NUP43: variants seen among roughly 807,000 people sequenced by gnomAD.
The protein encoded by NUP43 is nucleoporin Nup43.
In NUP43, 32 loss-of-function variants were observed where a neutral mutation model predicts 47.3. That is an observed-to-expected ratio of 0.68 (90% CI 0.51 to 0.91). The LOEUF is 0.91. Among genes scored for constraint, NUP43 ranks in the 40% least tolerant of loss-of-function variants. The pLI is 0.00. For synonymous variants in NUP43, 147 were observed against 158.4 expected (o/e 0.93, Z 0.54); for missense variants, 444 against 453.9 (o/e 0.98, Z 0.20).
In NUP43 at chr6:149,736,522, C is replaced by T; in HGVS notation, c.739G>A (p.Val247Ile). 1.2e-6 allele frequency: 2 copies of T among 1,611,222 alleles called. No individual in the cohort carries two copies. Among genetic ancestry groups the T allele is most frequent in the Non-Finnish European group, 1.7e-6 (2 of 1,177,594 alleles). The change falls in exon 6 of 8, where the codon GTT (valine) becomes ATT (isoleucine). Residue 247 changes from valine (V) to isoleucine (I), a missense_variant. By Grantham distance (29) the Val-to-Ile change is conservative (BLOSUM62 3). Coordinates refer to ENST00000340413, the MANE Select transcript of NUP43 (RefSeq NM_198887.3). ...GQDGMLSIWD[V>I]RQGTMPVSLL... ...GATACAGGCATAGTACCTTGTCTAA[C>T]ATCCCAAATACTCAACATTCCATCT...
chr6:149,739,373 G>A (rs572370987), intron 4 of NUP43, among the ~76,000 whole-genome samples: 13 of 152,024 alleles, frequency 8.6e-5, no homozygotes, highest in African/African-American at 1.2e-4. Context: ...TACAACCTCC[G>A]CCTCCCAGGT....
chr6:149,740,714 T>C (rs180805929), intron 4 of NUP43, among the ~76,000 whole-genome samples: 1 of 152,144 alleles, frequency 6.6e-6, no homozygotes, highest in Non-Finnish European at 1.5e-5. Context: ...TCTAGAGTGG[T>C]CGACAGTTAA....
chr6:149,743,681 G>A lies in NUP43; in HGVS notation c.278C>T (p.Ser93Leu). The A allele has an allele frequency of 6.2e-7, 1 of 1,611,342 alleles. No homozygotes were observed. Among genetic ancestry groups the A allele is most frequent in the Non-Finnish European group, 8.5e-7 (1 of 1,178,244 alleles). The stretch of plus-strand genomic sequence containing the variant: ...AAGGAAAACTGTTACACATCCTGTT[G>A]ATGAAGCAGCGACAATTCTTTCCTG... ...FDQERIVAAS[S>L]TGCVTVFLHH... Residue 93 changes from serine (S) to leucine (L), a missense_variant, in exon 3 of 8, where the codon TCA becomes TTA. By Grantham distance (145) the Ser-to-Leu change is moderately radical. Transcript: ENST00000340413.
chr6:149,736,857 T>G (rs1453497801), intron 5 of NUP43, among the ~76,000 whole-genome samples: 2 of 152,174 alleles, frequency 1.3e-5, no homozygotes, highest in Non-Finnish European at 2.9e-5. Context: ...CCTGGTTAAC[T>G]TTTTGTATTT....
chr6:149,742,956 A>G (rs1425005394), intron 3 of NUP43, among the ~76,000 whole-genome samples: 2 of 152,162 alleles, frequency 1.3e-5, no homozygotes, highest in Non-Finnish European at 2.9e-5. Context: ...CAGGCAGATC[A>G]TCTGAGATCA....
At chr6:149,741,439 G>A (rs147401500) in intron 4 of NUP43, among the ~76,000 whole-genome samples, 70 of 152,242 alleles carry the variant, frequency 4.6e-4, no homozygotes, top group African/African-American at 1.6e-3. Context: ...CTCCTAAGGT[G>A]CTGGGATTAT....
chr6:149,728,151 T>G, intron 7 of NUP43: 1 of 985,322 alleles, frequency 1.0e-6, no homozygotes, highest in South Asian at 4.7e-5. Context: ...TAACAATTCT[T>G]ATATCCTAAT....
chr6:149,733,267 A>C (rs1785152911), intron 6 of NUP43, among the ~76,000 whole-genome samples: 1 of 152,170 alleles, frequency 6.6e-6, no homozygotes, highest in African/African-American at 2.4e-5. Flanking sequence ...ACTGACTTCT[A>C]CCAAACCAAA....
At chr6:149,733,144 A>G (rs1355713124) in intron 6 of NUP43, among the ~76,000 whole-genome samples, 1 of 151,996 alleles carries the variant, frequency 6.6e-6, no homozygotes, top group Non-Finnish European at 1.5e-5. Flanking sequence ...ATATTATTGG[A>G]AAAACTGAGA....
chr6:149,743,620 C>A lies in NUP43; in HGVS notation c.321+18G>T. 6.7e-7 allele frequency: 1 copy of A among 1,501,804 alleles called. No individual in the cohort carries two copies. Among genetic ancestry groups the A allele is most frequent in the South Asian group, 1.2e-5 (1 of 84,626 alleles). 93.0% of individuals were successfully genotyped at this position (1,501,804 alleles called of 1,614,324 possible). ...TTCAAAAAAAAAAAAAATCACTTCT[C>A]AAACTAAAGTTCTTTACCTGGTTAT... On this transcript the variant is annotated intron_variant, in intron 3 of 7. Transcript: ENST00000340413.
In NUP43 at chr6:149,744,885, T is replaced by TTTA. The variant is rs1554248049; in HGVS notation, c.243+1054_243+1055insTAA. Among the ~76,000 whole-genome samples the TTTA allele has an allele frequency of 4.2e-3, 634 of 150,864 alleles. 6 individuals are homozygous for TTTA. Among genetic ancestry groups the TTTA allele is most frequent in the African/African-American group, 0.015 (605 of 41,230 alleles). On this transcript the variant is annotated intron_variant, in intron 2 of 7. Transcript: ENST00000340413. ...TAGAGCTAGATAGCTTTCTTTTTTA[T>TTTA]TTTATTTATTTATTTATTTATTTAT...
intron 2 of NUP43, among the ~76,000 whole-genome samples, chr6:149,743,927 A>G (rs2115155695): frequency 2.0e-5 from 3 of 152,334 alleles, no homozygotes; most frequent in Middle Eastern, 6.8e-3. Context: ...TTTCCTAGAC[A>G]CATTCACCCA....
intron 6 of NUP43, among the ~76,000 whole-genome samples, chr6:149,732,633 A>C (rs1254653476): frequency 6.6e-6 from 1 of 151,822 alleles, no homozygotes; most frequent in East Asian, 1.9e-4. Flanking sequence ...ATCACCTGAG[A>C]TCTGGAGTTC....
intron 6 of NUP43, among the ~76,000 whole-genome samples, chr6:149,736,049 G>C (rs987233238): frequency 1.3e-5 from 2 of 150,418 alleles, no homozygotes; most frequent in African/African-American, 4.9e-5. Context: ...AGGCCGAGCT[G>C]GGCAGATCAC....
intron 5 of NUP43, among the ~76,000 whole-genome samples, chr6:149,737,684 G>C (rs1444601436): frequency 1.3e-5 from 2 of 151,972 alleles, no homozygotes; most frequent in African/African-American, 4.8e-5. Flanking sequence ...GCAATGGCAC[G>C]ATCTTAGCTC....
intron 5 of NUP43, among the ~76,000 whole-genome samples, chr6:149,737,326 C>T (rs1785421227): frequency 6.6e-6 from 1 of 151,904 alleles, no homozygotes; most frequent in South Asian, 2.1e-4. Flanking sequence ...TGTCTTGTCA[C>T]CCAGGCTACA....
At chr6:149,738,297 G>A (rs971028585) in intron 5 of NUP43, among the ~76,000 whole-genome samples, 5 of 152,032 alleles carry the variant, frequency 3.3e-5, no homozygotes, top group African/African-American at 1.2e-4. Flanking sequence ...CCTACAAAGG[G>A]GGATTTCTGC....
At chr6:149,738,043 A>T (rs1785457883) in intron 5 of NUP43, among the ~76,000 whole-genome samples, 1 of 152,202 alleles carries the variant, frequency 6.6e-6, no homozygotes, top group Admixed American at 6.6e-5. Flanking sequence ...ATATATTTCT[A>T]AATAGTACAA....
chr6:149,741,116 A>C (rs1450400601), intron 4 of NUP43, among the ~76,000 whole-genome samples: 1 of 151,918 alleles, frequency 6.6e-6, no homozygotes, highest in Non-Finnish European at 1.5e-5. Flanking sequence ...TGGTCTCATC[A>C]ACATACTGTC....
Sources: allele counts gnomAD v4.1 joint callset (sites outside exome capture counted in the v4.1 genomes callset), GRCh38; gene constraint gnomAD v4.1.1; transcripts MANE v1.5; gene names NCBI Gene and HGNC (gene_info 2026-07-23, HGNC 2026-07-21).